The following PIEZO2 variants were observed in gnomAD, a reference collection of about 807,000 sequenced individuals.
PIEZO2 encodes piezo-type mechanosensitive ion channel component 2.
PIEZO2 carries 172 observed loss-of-function variants against 337.3 expected under a neutral mutation model. The observed-to-expected ratio is 0.51, with a 90% CI of 0.45 to 0.58. PIEZO2 has a LOEUF of 0.58. Among genes scored for constraint, PIEZO2 ranks in the 20% least tolerant of loss-of-function variants. PIEZO2 has a pLI of 0.00. For synonymous variants in PIEZO2, 1,251 were observed against 1,228.5 expected, an observed-to-expected ratio of 1.02 and a Z score of -0.38; for missense variants, 3,028 against 3,391.3, an observed-to-expected ratio of 0.89 and a Z score of 2.66.
rs2036577857 is a variant in PIEZO2, at chr18:11,027,428, G to T, written c.160+38699C>A. 6.6e-6 allele frequency among the ~76,000 whole-genome samples: 1 copy of T among 152,196 alleles called. No individual in the cohort carries two copies. Among genetic ancestry groups the T allele is most frequent in the Non-Finnish European group, 1.5e-5 (1 of 68,038 alleles). On this transcript the variant is annotated intron_variant, in intron 2 of 55. Coordinates refer to ENST00000674853, the MANE Select transcript of PIEZO2 (RefSeq NM_001378183.1). This position sits in a 1 kb window ranked among gnomAD's most constrained non-coding sequence, Gnocchi z 4.2. ...GAGGTGCGCTAGGAATAAGGTACAA[G>T]AGGTTAAAAAGAAAGCAATCAAATT...
chr18:10,880,877 AT>A (rs1568159634), intron 4 of PIEZO2, among the ~76,000 whole-genome samples: 7 of 91,230 alleles, frequency 7.7e-5, no homozygotes, highest in Admixed American at 4.2e-4. Flanking sequence ...ATATATATAT[AT>A]ATATATATAT....
chr18:10,726,291 C>T lies in PIEZO2; in HGVS notation c.5029+5116G>A. On this transcript the variant is annotated intron_variant, in intron 36 of 55. Transcript: ENST00000674853. This position sits in a 1 kb window ranked among gnomAD's most constrained non-coding sequence, Gnocchi z 5.9. The stretch of plus-strand genomic sequence containing the variant: ...AGCATGAGAATGGAAGCGTCGCGGC[C>T]AGAGCCCCGGCCAGGTGGAGCAGGT... 1 of 1,001,258 alleles carries T rather than the reference C, an allele frequency of 1.0e-6. No homozygotes were observed. 62.0% of individuals were successfully genotyped at this position (1,001,258 alleles called of 1,614,324 possible). A position where few individuals can be genotyped will look rare whatever the true frequency, so the allele number is the denominator to read the frequency against.
At chr18:11,075,164 G>A (rs980865836) in intron 1 of PIEZO2, among the ~76,000 whole-genome samples, 1 of 152,204 alleles carries the variant, frequency 6.6e-6, no homozygotes, top group African/African-American at 2.4e-5. Context: ...AAACAGTTCT[G>A]TCGGTCCAGT....
At position 10,775,410 on chromosome 18, in the gene PIEZO2, G is replaced by T. The variant is rs1411536834; in HGVS notation, c.2535-1372C>A. Among the ~76,000 whole-genome samples, 1 of 152,050 alleles carries T rather than the reference G, an allele frequency of 6.6e-6. No homozygotes were observed. Among genetic ancestry groups the T allele is most frequent in the Non-Finnish European group, 1.5e-5 (1 of 68,020 alleles). On this transcript the variant is annotated intron_variant, in intron 18 of 55. Coordinates refer to ENST00000674853, the MANE Select transcript of PIEZO2 (RefSeq NM_001378183.1). The surrounding 1 kb of genome is among the most constrained non-coding windows in gnomAD (Gnocchi z 4.3). Reference sequence around the variant, plus strand: ...GTCAGTATGTATTTGTTCTCTTCAGGGATGCATTTTATAAATGAAAAGATA... The same window carrying T: ...GTCAGTATGTATTTGTTCTCTTCAGTGATGCATTTTATAAATGAAAAGATA...
At chr18:10,687,063 T>C (rs2034576264) in intron 49 of PIEZO2, among the ~76,000 whole-genome samples, 2 of 152,202 alleles carry the variant, frequency 1.3e-5, no homozygotes, top group Non-Finnish European at 2.9e-5. Flanking sequence ...AAGTATCACG[T>C]GCCCCTCTGC....
chr18:10,779,345 A>T (rs2038898415), intron 18 of PIEZO2, among the ~76,000 whole-genome samples: 1 of 152,246 alleles, frequency 6.6e-6, no homozygotes, highest in African/African-American at 2.4e-5. Flanking sequence ...TAGCTTTATT[A>T]CTAATGACAT....
rs1441194444 is a variant in PIEZO2, at chr18:11,129,928, CCCAATG to C, written c.64+18591_64+18596del. On this transcript the variant is annotated intron_variant, in intron 1 of 55. Coordinates refer to ENST00000674853, the MANE Select transcript of PIEZO2 (RefSeq NM_001378183.1). The surrounding 1 kb of genome is among the most constrained non-coding windows in gnomAD (Gnocchi z 4.6). ...CCCAGCCTCATCCTGTGGTCATTTC[CCCAATG>C]CCAGAATGCATAATTGACATAGACA... Among the ~76,000 whole-genome samples, 1 of 152,076 alleles carries C rather than the reference CCCAATG, an allele frequency of 6.6e-6. No individual in the cohort carries two copies. The highest frequency in any genetic ancestry group is 1.9e-4 in the East Asian group (1 of 5,190).
chr18:10,976,872 T>G (rs1026078993), intron 3 of PIEZO2, among the ~76,000 whole-genome samples: 3 of 152,154 alleles, frequency 2.0e-5, no homozygotes, highest in Non-Finnish European at 4.4e-5. Context: ...ACACTTGAGA[T>G]GACTACCTCC....
chr18:10,800,310 G>A (rs1425570810), intron 11 of PIEZO2, 27 bp downstream of exon 11: 2 of 1,509,346 alleles, frequency 1.3e-6, no homozygotes, highest in Non-Finnish European at 1.8e-6. Flanking sequence ...GAAGAAATGC[G>A]ACCCTGAGTG....
intron 1 of PIEZO2, among the ~76,000 whole-genome samples, chr18:11,134,863 A>G (rs546193458): frequency 1.3e-5 from 2 of 152,308 alleles, no homozygotes; most frequent in South Asian, 2.1e-4. Flanking sequence ...GTGCTACATG[A>G]GAAGAAAGAA....
Position 10,943,165 on chromosome 18 carries a change from A to G in PIEZO2, c.287-31937T>C, listed in dbSNP as rs775703214. Among the ~76,000 whole-genome samples, 4 of 152,208 alleles carry G rather than the reference A, an allele frequency of 2.6e-5. No individual in the cohort carries two copies. Among genetic ancestry groups the G allele is most frequent in the Non-Finnish European group, 5.9e-5 (4 of 68,038 alleles). ...GTGAGGAAGGGAAATGTGGAGTCAG[A>G]GCCATGACGCACAGTCCCTACTGGG... On this transcript the variant is annotated intron_variant, in intron 3 of 55. Transcript: ENST00000674853. The surrounding 1 kb of genome is among the most constrained non-coding windows in gnomAD (Gnocchi z 4.5).
chr18:10,742,654 T>C (rs2037269968), intron 31 of PIEZO2, 39 bp from the exon 32 acceptor site: 1 of 1,532,946 alleles, frequency 6.5e-7, no homozygotes, highest in Non-Finnish European at 8.7e-7. Context: ...CAAGAACATA[T>C]TCATTGTTCT....
At chr18:11,142,961 C>A (rs530604407) in intron 1 of PIEZO2, among the ~76,000 whole-genome samples, 2 of 152,164 alleles carry the variant, frequency 1.3e-5, no homozygotes, top group East Asian at 3.9e-4. Flanking sequence ...CACCTGTAGC[C>A]CCAGCTACTC....
rs961441173 is a variant in PIEZO2, at chr18:11,127,988, ACTG to A, written c.64+20534_64+20536del. On this transcript the variant is annotated intron_variant, in intron 1 of 55. Coordinates refer to ENST00000674853, the MANE Select transcript of PIEZO2 (RefSeq NM_001378183.1). This position sits in a 1 kb window ranked among gnomAD's most constrained non-coding sequence, Gnocchi z 4.5. ...TAGACCTGAAAATGCTAAGGACTCTACTGCTAACAGTATGCAGAACACTGGTAG... is the reference window on the plus strand; with the variant it reads ...TAGACCTGAAAATGCTAAGGACTCTACTAACAGTATGCAGAACACTGGTAG... 2.2e-4 allele frequency among the ~76,000 whole-genome samples: 34 copies of A among 152,218 alleles called. No homozygotes were observed. The highest frequency in any genetic ancestry group is 7.2e-4 in the African/African-American group (30 of 41,536).
intron 2 of PIEZO2, among the ~76,000 whole-genome samples, chr18:10,997,855 G>A (rs558100078): frequency 6.6e-6 from 1 of 152,074 alleles, no homozygotes; most frequent in African/African-American, 2.4e-5. Flanking sequence ...AAAAAAATTT[G>A]GATAATACAG....
Position 10,952,908 on chromosome 18 carries a change from C to T in PIEZO2, c.286+26627G>A, listed in dbSNP as rs1175391131. Among the ~76,000 whole-genome samples, 8 of 151,024 alleles carry T rather than the reference C, an allele frequency of 5.3e-5. No individual in the cohort carries two copies. The highest frequency in any genetic ancestry group is 1.5e-5 in the Non-Finnish European group (1 of 67,698). On this transcript the variant is annotated intron_variant, in intron 3 of 55. Coordinates refer to ENST00000674853, the MANE Select transcript of PIEZO2 (RefSeq NM_001378183.1). This position sits in a 1 kb window ranked among gnomAD's most constrained non-coding sequence, Gnocchi z 4.1. ...CTTTCATCCCTCCCTCCATCCCTCCCTCCCTCCTTCCTTCCTTCTTTTTTT... is the reference window on the plus strand; with the variant it reads ...CTTTCATCCCTCCCTCCATCCCTCCTTCCCTCCTTCCTTCCTTCTTTTTTT...
Position 10,671,557 on chromosome 18 carries a change from C to G in PIEZO2, c.8568G>C (p.Met2856Ile), listed in dbSNP as rs767940520. The G allele has an allele frequency of 7.4e-6, 12 of 1,612,838 alleles. No individual in the cohort carries two copies. The highest frequency in any genetic ancestry group is 9.3e-6 in the Non-Finnish European group (11 of 1,179,462). The change falls in exon 56 of 56, where the codon ATG becomes ATC. Residue 2856 changes from methionine to isoleucine, a missense_variant. Coordinates refer to ENST00000674853, the MANE Select transcript of PIEZO2 (RefSeq NM_001378183.1). ...TTGTTTTTTCTCTAGTCCATTTGAT[C>G]ATTGTCTCTGGTGAGCGATATAGGA... ...LIFLYRSPET[M>I]IKWTREKTN
Position 11,101,447 on chromosome 18 carries a change from A to C in PIEZO2, c.65-35225T>G, listed in dbSNP as rs983854064. ...ACCTCTGTTTTCAGCAAATTCTTTCATTCATGTACCATTTTATACAAGAGA... is the reference window on the plus strand; with the variant it reads ...ACCTCTGTTTTCAGCAAATTCTTTCCTTCATGTACCATTTTATACAAGAGA... On this transcript the variant is annotated intron_variant, in intron 1 of 55. Transcript: ENST00000674853. This position sits in a 1 kb window ranked among gnomAD's most constrained non-coding sequence, Gnocchi z 4.4. Among the ~76,000 whole-genome samples the C allele has an allele frequency of 2.0e-5, 3 of 152,254 alleles. No individual in the cohort carries two copies. The highest frequency in any genetic ancestry group is 4.4e-5 in the Non-Finnish European group (3 of 68,032).
At position 10,759,942 on chromosome 18, in the gene PIEZO2, A is replaced by T. The variant is rs2143850021; in HGVS notation, c.3451-33T>A. On this transcript the variant is annotated intron_variant, in intron 24 of 55. Transcript: ENST00000674853. The surrounding 1 kb of genome is among the most constrained non-coding windows in gnomAD (Gnocchi z 5.5). Reference sequence around the variant, plus strand: ...AAGATGAAAAGAGGCAAAAAAAAAAAATCAGGCATATGGGAAAGGGGACTG... The same window carrying T: ...AAGATGAAAAGAGGCAAAAAAAAAATATCAGGCATATGGGAAAGGGGACTG... 1 of 1,517,746 alleles carries T rather than the reference A, an allele frequency of 6.6e-7. No homozygotes were observed. Among genetic ancestry groups the T allele is most frequent in the East Asian group, 2.5e-5 (1 of 40,666 alleles). The allele number at this position is 1,517,746 out of a possible 1,614,324, so 94.0% of individuals were successfully genotyped here. A position where few individuals can be genotyped will look rare whatever the true frequency, so the allele number is the denominator to read the frequency against.
Sources: gnomAD v4.1 joint callset for allele counts (sites outside exome capture counted in the v4.1 genomes callset) on GRCh38, gnomAD v4.1.1 for gene constraint, Gnocchi (gnomAD v3.1) non-coding constraint, MANE v1.5 for transcripts, NCBI Gene and HGNC (gene_info 2026-07-23, HGNC 2026-07-21) for gene names.